DNAH2: variants seen among roughly 807,000 people sequenced by gnomAD.
The protein encoded by DNAH2 is axonemal beta dynein heavy chain 2.
In DNAH2, 323 loss-of-function variants were observed where a neutral mutation model predicts 523.5. That is an observed-to-expected ratio of 0.62 (90% CI 0.56 to 0.68). DNAH2 has a LOEUF of 0.68. Ranked by LOEUF, DNAH2 falls within the 30% of genes least tolerant of loss-of-function variation. The probability of loss-of-function intolerance (pLI) is 0.00; values close to 1 mark genes in which losing one functional copy is unlikely to be tolerated. For synonymous variants in DNAH2, 2,093 were observed against 2,177.4 expected, an observed-to-expected ratio of 0.96 and a Z score of 1.08; for missense variants, 4,907 against 5,701.5, an observed-to-expected ratio of 0.86 and a Z score of 4.49.
intron 51 of DNAH2, 63 bp from the exon 52 acceptor site, chr17:7,797,337 A>G: frequency 6.2e-7 from 1 of 1,613,422 alleles, no homozygotes; most frequent in Non-Finnish European, 8.5e-7. Flanking sequence ...CCAGCCTGAC[A>G]CTGCCTTCCC....
chr17:7,818,204 C>T, intron 68 of DNAH2, 108 bp downstream of exon 68: 1 of 1,595,942 alleles, frequency 6.3e-7, no homozygotes, highest in East Asian at 2.2e-5. Context: ...CAGCCCTGGC[C>T]TGGGGCCTTA....
chr17:7,794,911 C>T (rs767487079), intron 49 of DNAH2, among the ~76,000 whole-genome samples: 11 of 152,060 alleles, frequency 7.2e-5, no homozygotes, highest in African/African-American at 2.4e-4. Flanking sequence ...CCCGCCACCA[C>T]GCCCAGCTAA....
rs1270238974 is a variant in DNAH2, at chr17:7,734,618, G to A, written c.888G>A (p.Val296=). 5 of 1,613,486 alleles carry A rather than the reference G, an allele frequency of 3.1e-6. No individual in the cohort carries two copies. Among genetic ancestry groups the A allele is most frequent in the Non-Finnish European group, 4.2e-6 (5 of 1,179,976 alleles). Residue 296 remains valine, a synonymous_variant, in exon 7 of 86, where the codon GTG becomes GTA. Coordinates refer to ENST00000572933, the MANE Select transcript of DNAH2 (RefSeq NM_020877.5). ...TGTCTGGCATCAGTAAGCAGCTGGT[G>A]AAGAAGGGAGTGAAGCACGTTGAAT... ...MDLSGISKQL[V]KKGVKHVESI... is the part of the protein sequence containing the mutation.
intron 73 of DNAH2, 93 bp from the exon 74 acceptor site, chr17:7,823,349 G>GAGAA (rs2077917246): frequency 9.5e-7 from 1 of 1,047,842 alleles, no homozygotes; most frequent in Non-Finnish European, 1.3e-6. Context: ...GAAAAATACA[G>GAGAA]AGAGAGAGAG....
At chr17:7,722,566 C>G (rs1449505528) in intron 2 of DNAH2, among the ~76,000 whole-genome samples, 1 of 152,116 alleles carries the variant, frequency 6.6e-6, no homozygotes, top group Non-Finnish European at 1.5e-5. Context: ...TTCCCCCTTC[C>G]CCCGCAGATC....
At position 7,817,714 on chromosome 17, in the gene DNAH2, G is replaced by A; in HGVS notation, c.10169+5G>A. 1 of 1,614,176 alleles carries A rather than the reference G, an allele frequency of 6.2e-7. No individual in the cohort carries two copies. Among genetic ancestry groups the A allele is most frequent in the Non-Finnish European group, 8.5e-7 (1 of 1,180,022 alleles). On this transcript the variant is annotated splice_donor_5th_base_variant and intron_variant, in intron 66 of 85. Transcript: ENST00000572933. ...CATCGTCACCCGAGGCAACAGGTGA[G>A]GGTGCTGCTGGGCGTGGGGGCGGTA...
intron 48 of DNAH2, 32 bp from the exon 49 acceptor site, chr17:7,794,222 G>T: frequency 6.5e-7 from 1 of 1,549,004 alleles, no homozygotes; most frequent in Non-Finnish European, 8.8e-7. Context: ...CTCCCCTCCT[G>T]CCTGTCTGCC....
Position 7,744,250 on chromosome 17 carries a change from C to T in DNAH2, c.1904+1108C>T, listed in dbSNP as rs552372868. On this transcript the variant is annotated intron_variant, in intron 12 of 85. Transcript: ENST00000572933. ...CGGAGGTTGCAGTGAGCCGAGATCA[C>T]GCCATTGCACTCCAGCCTGGGCGAC... Among the ~76,000 whole-genome samples, 10 of 147,270 alleles carry T rather than the reference C, an allele frequency of 6.8e-5. No homozygotes were observed. The East Asian group carries it at 1.0e-3, about 15-fold the overall frequency.
rs192020383 is a variant in DNAH2, at chr17:7,784,193, A to C, written c.6130-1931A>C. Among the ~76,000 whole-genome samples, 96 of 152,322 alleles carry C rather than the reference A, an allele frequency of 6.3e-4. 1 individual carries two copies. The highest frequency in any genetic ancestry group is 2.2e-3 in the African/African-American group (92 of 41,564). ...ATTCTAGATTTTTGTGCATCTAATA[A>C]TATAGTCTCAAAATAAGTAGAGCAA... On this transcript the variant is annotated intron_variant, in intron 39 of 85. Coordinates refer to ENST00000572933, the MANE Select transcript of DNAH2 (RefSeq NM_020877.5).
Position 7,831,489 on chromosome 17 carries a change from G to A in DNAH2, c.12559G>A (p.Val4187Met). 5 of 1,614,210 alleles carry A rather than the reference G, an allele frequency of 3.1e-6. No individual in the cohort carries two copies. Among genetic ancestry groups the A allele is most frequent in the Non-Finnish European group, 4.2e-6 (5 of 1,180,046 alleles). ...AGCTCTCGACCCCTCCCCCCTCAATGTGGTCCTTCTGCAGGAGATCCAGAG... is the reference window on the plus strand; with the variant it reads ...AGCTCTCGACCCCTCCCCCCTCAATATGGTCCTTCTGCAGGAGATCCAGAG... ...LLALDPSPLNVVLLQEIQRYN... is the reference protein window; with the variant it reads ...LLALDPSPLNMVLLQEIQRYN... The change falls in exon 81 of 86, where the codon GTG becomes ATG. Residue 4187 changes from valine to methionine, a missense_variant. By Grantham distance (21) the Val-to-Met change is conservative (BLOSUM62 1). Around this residue, in one of 3 missense-constraint regions of DNAH2, gnomAD observed 1,851 missense variants for 2,139.4 expected, o/e 0.87. Coordinates refer to ENST00000572933, the MANE Select transcript of DNAH2 (RefSeq NM_020877.5). The surrounding 1 kb of genome is among the most constrained non-coding windows in gnomAD (Gnocchi z 4.2).
At chr17:7,756,806 G>C (rs553114914) in intron 12 of DNAH2, among the ~76,000 whole-genome samples, 1 of 152,242 alleles carries the variant, frequency 6.6e-6, no homozygotes, top group East Asian at 1.9e-4. Context: ...GAGTAGCTGG[G>C]ATTACAGGCG....
At position 7,723,652 on chromosome 17, in the gene DNAH2, C is replaced by G; in HGVS notation, c.191C>G (p.Ala64Gly). The G allele has an allele frequency of 6.2e-7, 1 of 1,613,980 alleles. No individual in the cohort carries two copies. Among genetic ancestry groups the G allele is most frequent in the Non-Finnish European group, 8.5e-7 (1 of 1,179,982 alleles). Residue 64 changes from alanine (A) to glycine (G), a missense_variant, in exon 3 of 86, where the codon GCA becomes GGA. Physicochemically the swap from Ala to Gly is moderately conservative, Grantham distance 60. Coordinates refer to ENST00000572933, the MANE Select transcript of DNAH2 (RefSeq NM_020877.5). ...GAGCCACGGTTGGAGGGACCTCAAG[C>G]ACAGAGTGAAGAATCAGTGGAGCCC... ...EPEPRLEGPQ[A>G]QSEESVEPEA...
chr17:7,787,395 G>C (rs16956950), intron 42 of DNAH2: 87,376 of 330,690 alleles, frequency 0.26, 13,145 homozygotes, highest in Middle Eastern at 0.33. Context: ...GCGAGCAAGA[G>C]AGTGATTTTT....
rs1477724377 is a variant in DNAH2 at position 7,757,237 on chromosome 17, G to GGTA, written c.2051+2_2051+4dup. The GGTA allele has an allele frequency of 6.2e-7, 1 of 1,613,876 alleles. No homozygotes were observed. Among genetic ancestry groups the GGTA allele is most frequent in the Non-Finnish European group, 8.5e-7 (1 of 1,179,940 alleles). On this transcript the variant is annotated stop_gained and inframe_insertion and splice_region_variant. Transcript: ENST00000572933. LOFTEE classifies it high-confidence loss of function. ...CTACTCGTTGCTAGAGACTACAATA[G>GGTA]GTAGGGCTTCAGTCCTCACTGCAGC...
intron 9 of DNAH2, 80 bp downstream of exon 9, chr17:7,740,018 T>C: frequency 7.8e-7 from 1 of 1,283,246 alleles, no homozygotes; most frequent in Non-Finnish European, 1.0e-6. Flanking sequence ...GTGGCGAGAG[T>C]ATGCAAAGGA....
chr17:7,758,799 A>C, intron 14 of DNAH2, 86 bp from the exon 15 acceptor site: 1 of 1,581,948 alleles, frequency 6.3e-7, no homozygotes, highest in Non-Finnish European at 8.6e-7. Flanking sequence ...CATCCAGTCT[A>C]GCTGGAGAAC....
intron 73 of DNAH2, among the ~76,000 whole-genome samples, chr17:7,822,197 C>T (rs979862684): frequency 1.1e-4 from 17 of 152,362 alleles, no homozygotes; most frequent in East Asian, 7.7e-4. Flanking sequence ...TCTCGAACTC[C>T]TGGGCTCAAG....
chr17:7,725,081 A>C (rs1203466604), intron 3 of DNAH2, among the ~76,000 whole-genome samples: 1 of 150,120 alleles, frequency 6.7e-6, no homozygotes, highest in African/African-American at 2.5e-5. Flanking sequence ...TTCACAAAAC[A>C]TTTTATTTGT....
Position 7,797,191 on chromosome 17 carries a change from C to T in DNAH2, c.7879C>T (p.Leu2627Phe), listed in dbSNP as rs2151285282. 1 of 1,613,494 alleles carries T rather than the reference C, an allele frequency of 6.2e-7. No homozygotes were observed. Among genetic ancestry groups the T allele is most frequent in the Non-Finnish European group, 8.5e-7 (1 of 1,179,830 alleles). Residue 2627 changes from leucine (L) to phenylalanine (F), a missense_variant, in exon 51 of 86, where the codon CTT becomes TTT. Physicochemically the swap from Leu to Phe is conservative, Grantham distance 22. Transcript: ENST00000572933. ...RDISKVFQGM[L>F]RANKDFHDTK... ...CTCTTCCCAGGTGTTCCAGGGCATGCTTAGAGCCAACAAGGACTTCCATGA... is the reference window on the plus strand; with the variant it reads ...CTCTTCCCAGGTGTTCCAGGGCATGTTTAGAGCCAACAAGGACTTCCATGA...
Sources: allele counts gnomAD v4.1 joint callset (sites outside exome capture counted in the v4.1 genomes callset), GRCh38; gene constraint gnomAD v4.1.1; regional missense constraint gnomAD v4.1.1; non-coding constraint Gnocchi (gnomAD v3.1); transcripts MANE v1.5; gene names NCBI Gene and HGNC (gene_info 2026-07-23, HGNC 2026-07-21).